The following TTC3 variants were observed in gnomAD, a reference collection of about 807,000 sequenced individuals.
TTC3 encodes the protein tetratricopeptide repeat domain 3, also known as E3 ubiquitin-protein ligase TTC3.
TTC3 carries 180 observed loss-of-function variants against 249.6 expected under a neutral mutation model. That is an observed-to-expected ratio of 0.72 (90% confidence interval 0.64 to 0.82). The LOEUF is 0.82. Ranked by LOEUF, TTC3 falls within the 40% of genes least tolerant of loss-of-function variation. The probability of loss-of-function intolerance (pLI) is 0.00; values close to 1 mark genes in which losing one functional copy is unlikely to be tolerated. For missense variants in TTC3, 2,061 were observed against 2,398.4 expected, an observed-to-expected ratio of 0.86 and a Z score of 2.94; for synonymous variants, 717 against 805.0, an observed-to-expected ratio of 0.89 and a Z score of 1.85.
chr21:37,101,209 C>T (rs528130549), intron 10 of TTC3: 2 of 152,342 alleles, frequency 1.3e-5, no homozygotes, highest in African/African-American at 4.8e-5. Context: ...TGATAACTGC[C>T]TTCCATCAGA....
chr21:37,087,800 A>G (rs774404589), intron 2 of TTC3, 33 bp from the exon 3 acceptor site: 3 of 1,498,982 alleles, frequency 2.0e-6, no homozygotes, highest in Non-Finnish European at 9.2e-7. Context: ...ACATTTTACT[A>G]GACACAAATC....
At chr21:37,141,573 G>C (rs2078468467) in intron 20 of TTC3, among the ~76,000 whole-genome samples, 1 of 152,110 alleles carries the variant, frequency 6.6e-6, no homozygotes, top group Non-Finnish European at 1.5e-5. Flanking sequence ...TTTGAGACCA[G>C]CCTGACCAAT....
At chr21:37,073,852 G>A (rs1290110890) in intron 1 of TTC3, among the ~76,000 whole-genome samples, 2 of 152,222 alleles carry the variant, frequency 1.3e-5, no homozygotes, top group Non-Finnish European at 2.9e-5. Flanking sequence ...TGGGCTGCGC[G>A]TCCCCTAGCG....
At chr21:37,158,106 A>G in intron 28 of TTC3, 3 of 985,364 alleles carry the variant, frequency 3.0e-6, no homozygotes, top group Non-Finnish European at 3.6e-6. Flanking sequence ...AGCACACTCA[A>G]ATACAGATGG....
At chr21:37,113,910 C>G (rs970945815) in intron 11 of TTC3, among the ~76,000 whole-genome samples, 1 of 152,118 alleles carries the variant, frequency 6.6e-6, no homozygotes. Flanking sequence ...TGATCTTTGA[C>G]AAACCTGACA....
chr21:37,177,160 T>G (rs1453365127), intron 35 of TTC3, among the ~76,000 whole-genome samples: 1 of 152,088 alleles, frequency 6.6e-6, no homozygotes. Context: ...TGGCCTCAGC[T>G]GGGATGACTG....
At chr21:37,088,721 A>AT in intron 4 of TTC3, 78 bp from the exon 5 acceptor site, 1 of 1,298,026 alleles carries the variant, frequency 7.7e-7, no homozygotes, top group Non-Finnish European at 1.1e-6. Context: ...ATGGTTTGAG[A>AT]TATATAGCTA....
At chr21:37,087,553 G>A (rs2072666637) in intron 2 of TTC3, 152 bp downstream of exon 2, 3 of 1,038,258 alleles carry the variant, frequency 2.9e-6, no homozygotes, top group African/African-American at 1.6e-5. Context: ...GGGAAAGTAA[G>A]CACTGGCTCA....
chr21:37,160,887 G>C, intron 30 of TTC3, 29 bp downstream of exon 30: 1 of 1,599,900 alleles, frequency 6.3e-7, no homozygotes, highest in South Asian at 1.1e-5. Context: ...ATTAATTCTT[G>C]TCTAAACTCT....
chr21:37,082,539 G>T, intron 1 of TTC3: 2 of 985,248 alleles, frequency 2.0e-6, no homozygotes, highest in Non-Finnish European at 2.4e-6. Context: ...CCTACATTTT[G>T]CTTCTGGCCC....
intron 8 of TTC3, 28 bp from the exon 9 acceptor site, chr21:37,095,322 T>C (rs2073822989): frequency 1.3e-6 from 2 of 1,511,548 alleles, no homozygotes; most frequent in Non-Finnish European, 1.8e-6. Context: ...AGGTCATTGA[T>C]GGGTCTTCTT....
chr21:37,150,307 T>A (rs1028253322), intron 24 of TTC3, 137 bp downstream of exon 24: 56 of 671,530 alleles, frequency 8.3e-5, no homozygotes, highest in Non-Finnish European at 1.4e-4. Context: ...TAAGAAAATA[T>A]AGGAAATACT....
intron 1 of TTC3, among the ~76,000 whole-genome samples, chr21:37,074,095 T>C (rs1283970696): frequency 6.6e-6 from 1 of 152,252 alleles, no homozygotes; most frequent in Admixed American, 6.5e-5. Context: ...GTCACGACTC[T>C]GTTGCCACCT....
In TTC3 at chr21:37,160,776, C is replaced by A; in HGVS notation, c.3040-26C>A. The A allele has an allele frequency of 2.5e-6, 4 of 1,611,254 alleles. No individual in the cohort carries two copies. In the South Asian group the frequency reaches 4.4e-5, roughly 18 times the overall value. ...TTCATAATGCTGTTATTTGAGTGTT[C>A]ACTGATTTTTCCCCCCATTTTTTAG... On this transcript the variant is annotated intron_variant, in intron 29 of 45. Transcript: ENST00000355666.
chr21:37,138,708 G>A (rs998427867), exon 19 of TTC3: 1 of 1,605,310 alleles, frequency 6.2e-7, no homozygotes, highest in Non-Finnish European at 8.5e-7. Flanking sequence ...GAATAGGACA[G>A]CCTGAGGTAA....
chr21:37,083,269 A>T (rs1205163670), intron 1 of TTC3: 1 of 985,296 alleles, frequency 1.0e-6, no homozygotes, highest in Admixed American at 6.1e-5. Context: ...TTGTGGAGTG[A>T]CTGGGGATAA....
At chr21:37,167,148 C>T (rs1253279184) in intron 33 of TTC3, among the ~76,000 whole-genome samples, 1 of 152,148 alleles carries the variant, frequency 6.6e-6, no homozygotes, top group East Asian at 1.9e-4. Context: ...CTTCTCCTGT[C>T]AAACCAGGGG....
At chr21:37,081,083 AAGTGTGCTG>A (rs2147619232) in intron 1 of TTC3, among the ~76,000 whole-genome samples, 1 of 148,764 alleles carries the variant, frequency 6.7e-6, no homozygotes, top group East Asian at 2.0e-4. Flanking sequence ...TGCTTATACA[AAGTGTGCTG>A]CCAGTTTTAT....
At chr21:37,122,026 A>T in intron 12 of TTC3, 47 bp downstream of exon 12, 3 of 1,527,982 alleles carry the variant, frequency 2.0e-6, no homozygotes, top group Non-Finnish European at 2.6e-6. Context: ...TTCCCTTTCA[A>T]ACTTTGGAGG....
Sources: allele counts gnomAD v4.1 joint callset (sites outside exome capture counted in the v4.1 genomes callset), GRCh38; gene constraint gnomAD v4.1.1; transcripts MANE v1.5; gene names NCBI Gene and HGNC (gene_info 2026-07-23, HGNC 2026-07-21).